The following PDK1 variants were observed in gnomAD, a reference collection of about 807,000 sequenced individuals.
The protein encoded by PDK1 is [Pyruvate dehydrogenase (acetyl-transferring)] kinase isozyme 1, mitochondrial.
Under a neutral mutation model 54.2 loss-of-function variants are expected in PDK1, and 39 were observed. The observed-to-expected ratio is 0.72, with a 90% confidence interval of 0.56 to 0.94. The LOEUF (loss-of-function observed/expected upper bound fraction) is 0.94. Among genes scored for constraint, PDK1 ranks in the 40% least tolerant of loss-of-function variants. PDK1 has a pLI of 0.00. For missense variants in PDK1, 552 were observed against 566.0 expected (o/e 0.98, Z 0.25); for synonymous variants, 221 against 207.1 (o/e 1.07, Z -0.58).
At chr2:172,659,246 C>T in the PDK1 span, among the ~76,000 whole-genome samples, 8 of 152,266 alleles carry the variant, frequency 5.3e-5, no homozygotes, top group South Asian at 2.1e-4. Context: ...ATACGGGGGG[C>T]GGTTTCCCCC....
In PDK1 at chr2:172,599,559, A is replaced by T. The variant is rs182956487; in HGVS notation, c.*3590A>T. On this transcript the variant is annotated 3_prime_UTR_variant, in exon 11 of 11. Coordinates refer to ENST00000282077, the MANE Select transcript of PDK1 (RefSeq NM_002610.5). ...TGTCTTATTAATTTCTGGTCCCAAT[A>T]ATTAATTTTCTTACAGTCAAACCCA... 4 of 152,328 alleles carry T rather than the reference A, an allele frequency of 2.6e-5. No individual in the cohort carries two copies. Among genetic ancestry groups the T allele is most frequent in the African/African-American group, 9.6e-5 (4 of 41,574 alleles). The allele number at this position is 152,328 out of a possible 1,614,324, so 9.4% of individuals were successfully genotyped here.
the PDK1 span, among the ~76,000 whole-genome samples, chr2:172,668,281 T>A: frequency 1.2e-4 from 12 of 99,648 alleles, no homozygotes; most frequent in East Asian, 1.7e-3. Flanking sequence ...TTTCTTTATT[T>A]TTTTTTTTTT....
chr2:172,572,055 C>A (rs1356207998), intron 8 of PDK1, among the ~76,000 whole-genome samples: 1 of 152,106 alleles, frequency 6.6e-6, no homozygotes, highest in Non-Finnish European at 1.5e-5. Context: ...TGGTCTCGAA[C>A]TCGACCTCGT....
chr2:172,706,405 G>T, the PDK1 span, among the ~76,000 whole-genome samples: 1 of 150,376 alleles, frequency 6.6e-6, no homozygotes, highest in Non-Finnish European at 1.5e-5. Flanking sequence ...TGATCTTGGT[G>T]TTGGTGTCTG....
the PDK1 span, among the ~76,000 whole-genome samples, chr2:172,682,010 G>A: frequency 3.9e-5 from 6 of 152,138 alleles, no homozygotes; most frequent in East Asian, 3.9e-4. Context: ...TGTCCACCTC[G>A]GCCTTCCAAA....
chr2:172,682,183 A>G, the PDK1 span, among the ~76,000 whole-genome samples: 1 of 152,232 alleles, frequency 6.6e-6, no homozygotes, highest in African/African-American at 2.4e-5. Flanking sequence ...TTCCAGTCAT[A>G]TAGAGACCCC....
At chr2:172,683,529 G>A in the PDK1 span, among the ~76,000 whole-genome samples, 1 of 152,132 alleles carries the variant, frequency 6.6e-6, no homozygotes, top group Admixed American at 6.5e-5. Flanking sequence ...GTGCAAGAGT[G>A]GGGTGTGTTA....
chr2:172,560,775 A>G (rs1448548563), intron 2 of PDK1, among the ~76,000 whole-genome samples: 1 of 152,238 alleles, frequency 6.6e-6, no homozygotes, highest in East Asian at 1.9e-4. Flanking sequence ...TAGAGATGTT[A>G]AGGGTATACA....
chr2:172,617,404 A>C, the PDK1 span, among the ~76,000 whole-genome samples: 11,701 of 152,184 alleles, frequency 0.077, 608 homozygotes, highest in Middle Eastern at 0.13. Flanking sequence ...GCTATAACAG[A>C]AGATTCAGAC....
chr2:172,616,906 G>A, the PDK1 span, among the ~76,000 whole-genome samples: 7 of 152,000 alleles, frequency 4.6e-5, no homozygotes, highest in African/African-American at 1.7e-4. Flanking sequence ...CCAATAAGAT[G>A]TTCTTTTTCT....
At chr2:172,698,879 G>A in the PDK1 span, among the ~76,000 whole-genome samples, 1 of 152,124 alleles carries the variant, frequency 6.6e-6, no homozygotes, top group East Asian at 1.9e-4. Context: ...TTTCTTAGAA[G>A]CTCCTCAGGT....
chr2:172,557,331 C>T (rs1016277314), intron 1 of PDK1, among the ~76,000 whole-genome samples: 2 of 152,146 alleles, frequency 1.3e-5, no homozygotes, highest in African/African-American at 4.8e-5. Flanking sequence ...TTTTTGCTAA[C>T]GTTTTCTCTT....
chr2:172,700,328 G>A, the PDK1 span, among the ~76,000 whole-genome samples: 3 of 150,996 alleles, frequency 2.0e-5, no homozygotes, highest in African/African-American at 4.9e-5. Context: ...CCCAGACGGG[G>A]CGGCCGGGCA....
intron 7 of PDK1, among the ~76,000 whole-genome samples, chr2:172,569,669 A>G (rs749239700): frequency 9.9e-5 from 15 of 152,216 alleles, no homozygotes; most frequent in Non-Finnish European, 2.1e-4. Context: ...TTCTTCCAAG[A>G]CAGCAAAAAT....
At chr2:172,587,618 C>G (rs1690321927) in intron 9 of PDK1, among the ~76,000 whole-genome samples, 1 of 151,934 alleles carries the variant, frequency 6.6e-6, no homozygotes, top group Admixed American at 6.6e-5. Flanking sequence ...AAGAACAAAG[C>G]TTCTACAGCC....
At position 172,606,831 on chromosome 2, in the gene PDK1, CA is replaced by C. The variant is rs1279917042; in HGVS notation, c.*10864del. 1.3e-5 allele frequency: 2 copies of C among 151,540 alleles called. No individual in the cohort carries two copies. The highest frequency in any genetic ancestry group is 2.9e-5 in the Non-Finnish European group (2 of 67,974). The allele number at this position is 151,540 out of a possible 1,614,324, so 9.4% of individuals were successfully genotyped here. On this transcript the variant is annotated 3_prime_UTR_variant, in exon 11 of 11. Coordinates refer to ENST00000282077, the MANE Select transcript of PDK1 (RefSeq NM_002610.5). The stretch of plus-strand genomic sequence containing the variant: ...AATTCAGTGTCATTCAGTACATCCA[CA>C]ATGTGCAATCACCACCTCTGTCTAG...
At chr2:172,609,212 A>G (rs970886560), downstream of PDK1, among the ~76,000 whole-genome samples, 5 of 152,198 alleles carry the variant, frequency 3.3e-5, no homozygotes, top group Non-Finnish European at 5.9e-5. Flanking sequence ...AGGACACTCA[A>G]CTTCCAGAAA....
chr2:172,629,679 A>G, the PDK1 span, among the ~76,000 whole-genome samples: 44 of 152,200 alleles, frequency 2.9e-4, no homozygotes, highest in Non-Finnish European at 5.3e-4. Context: ...ACACTGAGCT[A>G]TGAAACATTT....
At chr2:172,711,923 A>G in the PDK1 span, among the ~76,000 whole-genome samples, 1 of 148,948 alleles carries the variant, frequency 6.7e-6, no homozygotes, top group South Asian at 2.2e-4. Context: ...GGAGAGGAAG[A>G]GATTATAGAA....
Sources: allele counts gnomAD v4.1 joint callset (sites outside exome capture counted in the v4.1 genomes callset), GRCh38; gene constraint gnomAD v4.1.1; transcripts MANE v1.5; gene names NCBI Gene and HGNC (gene_info 2026-07-23, HGNC 2026-07-21).